Variants in TTLL11 observed in about 807,000 individuals in gnomAD.
TTLL11 encodes tubulin tyrosine ligase like 11.
A neutral mutation model predicts 51.7 loss-of-function variants in TTLL11; 42 were observed. The observed-to-expected ratio is 0.81, with a 90% confidence interval of 0.64 to 1.05. The LOEUF is 1.05. Ranked by LOEUF, TTLL11 falls within the 50% of genes least tolerant of loss-of-function variation. TTLL11 has a pLI of 0.00. For synonymous variants in TTLL11, 381 were observed against 383.5 expected (o/e 0.99, Z 0.08); for missense variants, 799 against 940.4 (o/e 0.85, Z 1.97).
At chr9:121,993,159 A>G (rs879794743) in intron 3 of TTLL11, among the ~76,000 whole-genome samples, 8 of 152,198 alleles carry the variant, frequency 5.3e-5, no homozygotes, top group Non-Finnish European at 1.2e-4. Flanking sequence ...ATTATTGGGT[A>G]CAGAGTTTCA....
At chr9:121,880,253 T>C (rs1838735505) in intron 6 of TTLL11, among the ~76,000 whole-genome samples, 1 of 152,180 alleles carries the variant, frequency 6.6e-6, no homozygotes, top group Non-Finnish European at 1.5e-5. Flanking sequence ...CTGCACCAAC[T>C]GCCCAAGGCA....
chr9:121,987,101 C>T (rs1842961132), intron 4 of TTLL11, among the ~76,000 whole-genome samples: 1 of 151,854 alleles, frequency 6.6e-6, no homozygotes, highest in Admixed American at 6.6e-5. Flanking sequence ...TTTAGGGATA[C>T]ATTCATGCCT....
intron 6 of TTLL11, among the ~76,000 whole-genome samples, chr9:121,957,997 G>C (rs368312233): frequency 6.6e-6 from 1 of 152,136 alleles, no homozygotes; most frequent in African/African-American, 2.4e-5. Context: ...AATTAAGTCA[G>C]ATAGCGTATG....
At chr9:121,897,640 A>ACACACACACACACACGCG (rs111331446) in intron 6 of TTLL11, among the ~76,000 whole-genome samples, 51 of 139,390 alleles carry the variant, frequency 3.7e-4, no homozygotes, top group Admixed American at 7.1e-4. Context: ...ACACACACAC[A>ACACACACACACACACGCG]CGCGCGCGCG....
intron 8 of TTLL11, among the ~76,000 whole-genome samples, chr9:121,828,173 C>T (rs890093933): frequency 9.5e-5 from 13 of 137,328 alleles, no homozygotes; most frequent in African/African-American, 3.5e-4. Context: ...ACACATTGAA[C>T]TTTTTTTTTT....
intron 1 of TTLL11, among the ~76,000 whole-genome samples, chr9:122,053,314 C>G (rs1285900560): frequency 1.3e-5 from 2 of 152,074 alleles, no homozygotes; most frequent in East Asian, 3.9e-4. Flanking sequence ...GCCACTGGAG[C>G]GGGGCGTGAA....
chr9:121,826,557 G>GTGTATATATATATATATATATA (rs1189626793), intron 8 of TTLL11, among the ~76,000 whole-genome samples: 14 of 51,342 alleles, frequency 2.7e-4, no homozygotes, highest in East Asian at 2.4e-3. Flanking sequence ...ATATGTGTGT[G>GTGTATATATATATATATATATA]TATATATATA....
chr9:122,047,213 T>C (rs545280594), intron 1 of TTLL11, among the ~76,000 whole-genome samples: 4 of 152,296 alleles, frequency 2.6e-5, no homozygotes, highest in African/African-American at 7.2e-5. Context: ...ATAACACCCA[T>C]TGCACTTTCA....
intron 6 of TTLL11, among the ~76,000 whole-genome samples, chr9:121,930,813 G>A (rs534629310): frequency 5.3e-5 from 8 of 152,362 alleles, no homozygotes; most frequent in African/African-American, 1.9e-4. Flanking sequence ...GTGAGGATAT[G>A]TGTTTTAATG....
intron 6 of TTLL11, among the ~76,000 whole-genome samples, chr9:121,970,204 C>A (rs1439355951): frequency 6.6e-6 from 1 of 152,150 alleles, no homozygotes; most frequent in Non-Finnish European, 1.5e-5. Context: ...AAATGAGGTG[C>A]TGCTATTTAT....
intron 8 of TTLL11, among the ~76,000 whole-genome samples, chr9:121,849,147 GAGGTTAGT>G (rs1216321819): frequency 4.6e-5 from 7 of 152,362 alleles, no homozygotes; most frequent in African/African-American, 7.2e-5. Flanking sequence ...TCAATGTAGA[GAGGTTAGT>G]CTTTTCAACA....
At chr9:122,070,937 G>A (rs902427225) in intron 1 of TTLL11, among the ~76,000 whole-genome samples, 1 of 152,120 alleles carries the variant, frequency 6.6e-6, no homozygotes, top group Non-Finnish European at 1.5e-5. Context: ...AGGGCAGCAT[G>A]GTATCATGGA....
At chr9:122,050,419 C>T (rs1372993539) in intron 1 of TTLL11, among the ~76,000 whole-genome samples, 2 of 152,176 alleles carry the variant, frequency 1.3e-5, no homozygotes, top group Admixed American at 1.3e-4. Context: ...CTCCAATGTT[C>T]CCCTGGCATT....
At chr9:121,946,114 T>C (rs1016168744) in intron 6 of TTLL11, among the ~76,000 whole-genome samples, 2 of 152,216 alleles carry the variant, frequency 1.3e-5, no homozygotes, top group African/African-American at 4.8e-5. Context: ...GGGCACTAAA[T>C]AAGTATTTGT....
intron 3 of TTLL11, among the ~76,000 whole-genome samples, chr9:122,013,744 T>C (rs1843884878): frequency 6.6e-6 from 1 of 152,180 alleles, no homozygotes; most frequent in Non-Finnish European, 1.5e-5. Flanking sequence ...AGCCATACCG[T>C]AGCCTTCATT....
rs571802673 is a variant in TTLL11, at chr9:122,092,485, C to G, written c.462+202G>C. 5.9e-5 allele frequency among the ~76,000 whole-genome samples: 9 copies of G among 152,236 alleles called. No homozygotes were observed. In the South Asian group the frequency reaches 1.9e-3, roughly 32 times the overall value. On this transcript the variant is annotated intron_variant, in intron 1 of 8. Transcript: ENST00000321582. ...AGTGGCTAACTTGACCTGGAGGGGT[C>G]TGGGGGGCCCTCTTGGAGGAAGTGA...
chr9:121,856,964 G>T (rs983604467), intron 8 of TTLL11, among the ~76,000 whole-genome samples: 8 of 152,338 alleles, frequency 5.3e-5, no homozygotes, highest in African/African-American at 1.9e-4. Flanking sequence ...GAAGGTGGCT[G>T]TCTCCAGATG....
At chr9:122,044,816 T>C (rs550731964) in intron 1 of TTLL11, among the ~76,000 whole-genome samples, 5 of 152,266 alleles carry the variant, frequency 3.3e-5, no homozygotes, top group Admixed American at 3.3e-4. Context: ...AGGATAACTA[T>C]TATCAAAAAC....
intron 7 of TTLL11, among the ~76,000 whole-genome samples, chr9:121,865,027 C>T (rs769467746): frequency 1.3e-5 from 2 of 152,070 alleles, no homozygotes; most frequent in East Asian, 3.8e-4. Context: ...AAAAACCACA[C>T]TACCTAAACA....
Sources: allele counts gnomAD v4.1 joint callset (sites outside exome capture counted in the v4.1 genomes callset), GRCh38; gene constraint gnomAD v4.1.1; transcripts MANE v1.5; gene names NCBI Gene and HGNC (gene_info 2026-07-23, HGNC 2026-07-21).